PTPRD: variants seen among roughly 807,000 people sequenced by gnomAD.
PTPRD encodes protein tyrosine phosphatase receptor type D.
PTPRD carries 34 observed loss-of-function variants against 214.5 expected under a neutral mutation model. That is an observed-to-expected ratio of 0.16 (90% CI 0.12 to 0.21). PTPRD has a LOEUF of 0.21. Among genes scored for constraint, PTPRD ranks in the 10% least tolerant of loss-of-function variants. The pLI is 1.00. For missense variants in PTPRD, 2,545 were observed against 2,398.7 expected, an observed-to-expected ratio of 1.06 and a Z score of -1.27; for synonymous variants, 1,128 against 845.7, an observed-to-expected ratio of 1.33 and a Z score of -5.79.
intron 37 of PTPRD, among the ~76,000 whole-genome samples, chr9:8,380,241 C>A (rs1387769130): frequency 6.6e-6 from 1 of 152,178 alleles, no homozygotes; most frequent in African/African-American, 2.4e-5. Flanking sequence ...GACCCAGTCC[C>A]TGCCCTCAAT....
chr9:8,956,481 A>G (rs1051029626), intron 11 of PTPRD, among the ~76,000 whole-genome samples: 1 of 151,806 alleles, frequency 6.6e-6, no homozygotes, highest in Non-Finnish European at 1.5e-5. Flanking sequence ...TTAACAAAGA[A>G]GAAGCAAATG....
intron 11 of PTPRD, among the ~76,000 whole-genome samples, chr9:8,855,935 T>A (rs572109366): frequency 2.6e-5 from 4 of 152,180 alleles, no homozygotes; most frequent in Non-Finnish European, 5.9e-5. Context: ...TAATAGCTGA[T>A]AGCATGAGGG....
At chr9:8,528,269 GAAGA>G (rs973378892) in intron 15 of PTPRD, 10 of 426,618 alleles carry the variant, frequency 2.3e-5, no homozygotes, top group African/African-American at 1.0e-4. Context: ...AACAGAGAAA[GAAGA>G]AAGAAAGAGG....
chr9:8,596,689 T>A (rs562609764), intron 14 of PTPRD, among the ~76,000 whole-genome samples: 1 of 152,128 alleles, frequency 6.6e-6, no homozygotes, highest in Admixed American at 6.5e-5. Context: ...AGTACTAATA[T>A]ATTTAGACAC....
At chr9:9,993,270 G>C (rs926594118) in intron 4 of PTPRD, among the ~76,000 whole-genome samples, 2 of 152,112 alleles carry the variant, frequency 1.3e-5, no homozygotes, top group African/African-American at 4.8e-5. Flanking sequence ...CAATGGCCTA[G>C]CAATTTCATT....
chr9:8,451,239 C>T (rs553836320), intron 33 of PTPRD, among the ~76,000 whole-genome samples: 2 of 152,188 alleles, frequency 1.3e-5, no homozygotes, highest in East Asian at 3.9e-4. Context: ...ATGGCTAAGT[C>T]CTATTAGACA....
chr9:8,921,341 C>A (rs570299064), intron 11 of PTPRD, among the ~76,000 whole-genome samples: 1 of 152,270 alleles, frequency 6.6e-6, no homozygotes, highest in South Asian at 2.1e-4. Flanking sequence ...ACATACCTCA[C>A]ACACATGACT....
intron 3 of PTPRD, among the ~76,000 whole-genome samples, chr9:10,166,404 A>C (rs1279520740): frequency 6.6e-6 from 1 of 151,740 alleles, no homozygotes; most frequent in East Asian, 1.9e-4. Context: ...TTAAAACATC[A>C]TTTTCATAGA....
At chr9:9,311,506 T>C (rs900489313) in intron 9 of PTPRD, among the ~76,000 whole-genome samples, 4 of 152,144 alleles carry the variant, frequency 2.6e-5, no homozygotes, top group African/African-American at 7.2e-5. Context: ...GGTCTAATAA[T>C]CCTGAATTAC....
chr9:9,539,174 A>AT (rs1311540857), intron 8 of PTPRD, among the ~76,000 whole-genome samples: 1 of 151,872 alleles, frequency 6.6e-6, no homozygotes, highest in African/African-American at 2.4e-5. Context: ...CTGGGGACAT[A>AT]TTTTTTGAGA....
chr9:10,486,746 T>C (rs375238184), intron 2 of PTPRD, among the ~76,000 whole-genome samples: 15 of 152,240 alleles, frequency 9.9e-5, no homozygotes, highest in Non-Finnish European at 2.1e-4. Flanking sequence ...TTGAGAATGA[T>C]TCATGTGCTG....
intron 9 of PTPRD, among the ~76,000 whole-genome samples, chr9:9,375,021 AC>A (rs2060416347): frequency 6.6e-6 from 1 of 152,164 alleles, no homozygotes; most frequent in Admixed American, 6.6e-5. Flanking sequence ...AATTACTAGA[AC>A]TTTTTTTTAC....
At chr9:10,007,570 G>T (rs543060570) in intron 4 of PTPRD, among the ~76,000 whole-genome samples, 1 of 151,906 alleles carries the variant, frequency 6.6e-6, no homozygotes, top group Non-Finnish European at 1.5e-5. Context: ...ATGATCTCAC[G>T]AATGCCTTCT....
At chr9:8,956,339 C>T (rs1218100012) in intron 11 of PTPRD, among the ~76,000 whole-genome samples, 2 of 151,938 alleles carry the variant, frequency 1.3e-5, no homozygotes, top group Non-Finnish European at 2.9e-5. Flanking sequence ...AAACCATCCA[C>T]TTTGGACTAA....
chr9:10,462,319 A>G (rs1344069316), intron 2 of PTPRD, among the ~76,000 whole-genome samples: 3 of 152,280 alleles, frequency 2.0e-5, no homozygotes, highest in East Asian at 3.9e-4. Context: ...AATGTGTAGG[A>G]GTATTTTATA....
chr9:9,674,301 A>G (rs1190918846), intron 7 of PTPRD, among the ~76,000 whole-genome samples: 2 of 151,820 alleles, frequency 1.3e-5, no homozygotes, highest in Non-Finnish European at 3.0e-5. Flanking sequence ...GTATATTTCC[A>G]CAAGTACATA....
chr9:10,283,424 G>C (rs927107519), intron 3 of PTPRD, among the ~76,000 whole-genome samples: 3 of 152,142 alleles, frequency 2.0e-5, no homozygotes, highest in African/African-American at 7.2e-5. Context: ...TCCTCAACAC[G>C]ATAAGAATTC....
chr9:10,510,734 G>A (rs953655488), intron 2 of PTPRD, among the ~76,000 whole-genome samples: 9 of 151,980 alleles, frequency 5.9e-5, no homozygotes, highest in African/African-American at 2.2e-4. Context: ...TACTCTTCTA[G>A]TTATTTTAAA....
chr9:8,867,506 G>A (rs1224420417), intron 11 of PTPRD, among the ~76,000 whole-genome samples: 15 of 152,102 alleles, frequency 9.9e-5, no homozygotes, highest in African/African-American at 2.4e-4. Context: ...TAAATCAAGC[G>A]GAGGTAAGAA....
Sources: gnomAD v4.1 joint callset for allele counts (sites outside exome capture counted in the v4.1 genomes callset) on GRCh38, gnomAD v4.1.1 for gene constraint, MANE v1.5 for transcripts, NCBI Gene and HGNC (gene_info 2026-07-23, HGNC 2026-07-21) for gene names.